The following PCDHA10 variants were observed in gnomAD, a reference collection of about 807,000 sequenced individuals.
PCDHA10 encodes the protein protocadherin alpha 10.
In PCDHA10, 45 loss-of-function variants were observed where a neutral mutation model predicts 61.2. The ratio of observed to expected loss-of-function variants is 0.74; its 90% CI spans 0.58 to 0.94. The LOEUF is 0.94. PCDHA10 is among the 40% of genes least tolerant of loss of function. The pLI is 0.00. For missense variants in PCDHA10, 1,278 were observed against 1,236.2 expected, an observed-to-expected ratio of 1.03 and a Z score of -0.51; for synonymous variants, 602 against 548.8, an observed-to-expected ratio of 1.10 and a Z score of -1.35.
intron 1 of PCDHA10, among the ~76,000 whole-genome samples, chr5:140,947,571 GT>G (rs782708059): frequency 1.8e-4 from 28 of 151,588 alleles, no homozygotes; most frequent in Non-Finnish European, 3.1e-4. Context: ...TATTGGGAAT[GT>G]TTTTAACATT....
At chr5:140,875,982 T>A (rs782696437) in intron 1 of PCDHA10, 7 of 1,614,008 alleles carry the variant, frequency 4.3e-6, no homozygotes, top group Non-Finnish European at 5.9e-6. Context: ...TTTTGACCTA[T>A]GCGTTAAGTC....
At chr5:140,865,343 A>T (rs1386264377) in intron 1 of PCDHA10, 1 of 152,216 alleles carries the variant, frequency 6.6e-6, no homozygotes, top group Non-Finnish European at 1.5e-5. Flanking sequence ...AAGAAATAGT[A>T]TATTTACATA....
Position 140,926,904 on chromosome 5 carries a change from T to G in PCDHA10, c.2389-52045T>G, listed in dbSNP as rs150445810. Reference sequence around the variant, plus strand: ...CGCCTAGAGGGAGGATGGTGGGCTGTGGGGTGGCAGTTTTATGTTTGTGGG... The same window carrying G: ...CGCCTAGAGGGAGGATGGTGGGCTGGGGGGTGGCAGTTTTATGTTTGTGGG... On this transcript the variant is annotated intron_variant, in intron 1 of 3. Transcript: ENST00000307360. 5,017 of 1,557,626 alleles carry G rather than the reference T, an allele frequency of 3.2e-3. 25 individuals carry two copies. Among genetic ancestry groups the G allele is most frequent in the African/African-American group, 0.019 (1,427 of 73,544 alleles).
chr5:140,941,548 C>CTCG (rs1175641247), intron 1 of PCDHA10, among the ~76,000 whole-genome samples: 1 of 151,868 alleles, frequency 6.6e-6, no homozygotes, highest in Non-Finnish European at 1.5e-5. Context: ...AACTCCTGAC[C>CTCG]TCGTGATCCA....
chr5:140,884,514 C>G, intron 1 of PCDHA10: 21 of 1,614,176 alleles, frequency 1.3e-5, no homozygotes, highest in South Asian at 2.2e-5. Flanking sequence ...GGGAGTTGGT[C>G]GTACTCGCAG....
intron 1 of PCDHA10, among the ~76,000 whole-genome samples, chr5:140,920,816 C>A (rs1170521844): frequency 6.6e-6 from 1 of 150,790 alleles, no homozygotes; most frequent in East Asian, 1.9e-4. Flanking sequence ...TGCACTCCAG[C>A]CTGGCGACGG....
At chr5:140,870,389 G>A (rs1262225558) in intron 1 of PCDHA10, 1 of 1,614,132 alleles carries the variant, frequency 6.2e-7, no homozygotes, top group Non-Finnish European at 8.5e-7. Context: ...GCGCGGGATG[G>A]GGGTTCGCCT....
Position 140,861,683 on chromosome 5 carries a change from C to G in PCDHA10, c.2388+3247C>G, listed in dbSNP as rs1386318519. ...GAGAGCTCTTGATTATCGTGTTTCA[C>G]TAGAGGGTGTCTGTGATGCCGACGT... On this transcript the variant is annotated intron_variant, in intron 1 of 3. Coordinates refer to ENST00000307360, the MANE Select transcript of PCDHA10 (RefSeq NM_018901.4). 2.1e-5 allele frequency: 5 copies of G among 233,410 alleles called. No homozygotes were observed. The East Asian group carries it at 3.6e-4, about 17-fold the overall frequency. 14.5% of individuals were successfully genotyped at this position (233,410 alleles called of 1,614,324 possible).
chr5:140,896,214 G>C (rs1265727629), intron 1 of PCDHA10, among the ~76,000 whole-genome samples: 4 of 152,208 alleles, frequency 2.6e-5, no homozygotes, highest in Non-Finnish European at 5.9e-5. Context: ...ACACATACAT[G>C]TGTCTTTATA....
chr5:140,942,660 A>G (rs145204660), intron 1 of PCDHA10, among the ~76,000 whole-genome samples: 2 of 152,306 alleles, frequency 1.3e-5, no homozygotes, highest in East Asian at 1.9e-4. Context: ...CAGAAAAGCA[A>G]TAAGCACAAA....
In PCDHA10 at chr5:140,875,915, T is replaced by G. The variant is rs782225928; in HGVS notation, c.2388+17479T>G. On this transcript the variant is annotated intron_variant, in intron 1 of 3. Transcript: ENST00000307360. Reference sequence around the variant, plus strand: ...GTACCTGTTTCTGAATCTGCGCCTCTGGACTCTCATTTTCCTCTAGAGGGC... The same window carrying G: ...GTACCTGTTTCTGAATCTGCGCCTCGGGACTCTCATTTTCCTCTAGAGGGC... 3.7e-6 allele frequency: 6 copies of G among 1,614,096 alleles called. No homozygotes were observed. In the African/African-American group the frequency reaches 6.7e-5, roughly 18 times the overall value.
chr5:140,874,505 T>C (rs550206385), intron 1 of PCDHA10, among the ~76,000 whole-genome samples: 1 of 152,366 alleles, frequency 6.6e-6, no homozygotes, highest in African/African-American at 2.4e-5. Context: ...GTTCACATTC[T>C]CTTGACTTTA....
intron 1 of PCDHA10, chr5:140,861,278 C>T (rs572060208): frequency 5.3e-4 from 99 of 185,718 alleles, no homozygotes; most frequent in African/African-American, 2.3e-3. Flanking sequence ...GCACTGGCTT[C>T]TGCTCCTTGA....
At chr5:140,950,006 G>A (rs2094439907) in intron 1 of PCDHA10, among the ~76,000 whole-genome samples, 1 of 151,676 alleles carries the variant, frequency 6.6e-6, no homozygotes, top group African/African-American at 2.4e-5. Context: ...ACTTAATAGT[G>A]TACAACCTTC....
chr5:140,902,996 A>G (rs2069931370), intron 1 of PCDHA10, among the ~76,000 whole-genome samples: 1 of 152,126 alleles, frequency 6.6e-6, no homozygotes, highest in Admixed American at 6.6e-5. Context: ...TATTTTTGCA[A>G]TTGTGAATTG....
At chr5:140,952,160 G>A (rs952147312) in intron 1 of PCDHA10, among the ~76,000 whole-genome samples, 1 of 152,044 alleles carries the variant, frequency 6.6e-6, no homozygotes, top group Non-Finnish European at 1.5e-5. Context: ...GGCTTTGTGG[G>A]GTTCAGTTCC....
chr5:140,883,313 G>T, intron 1 of PCDHA10: 1 of 1,614,118 alleles, frequency 6.2e-7, no homozygotes, highest in Non-Finnish European at 8.5e-7. Context: ...TAACGCCCCA[G>T]AGGTTACCAT....
At chr5:140,997,656 T>G (rs2153947694) in intron 3 of PCDHA10, among the ~76,000 whole-genome samples, 1 of 149,610 alleles carries the variant, frequency 6.7e-6, no homozygotes. Flanking sequence ...GCAATATGTA[T>G]TATTATACAG....
At chr5:140,938,427 T>G (rs992312670) in intron 1 of PCDHA10, among the ~76,000 whole-genome samples, 3 of 152,206 alleles carry the variant, frequency 2.0e-5, no homozygotes, top group African/African-American at 7.2e-5. Flanking sequence ...GCAAAAATCC[T>G]TTATCAGATT....
Sources: allele counts gnomAD v4.1 joint callset (sites outside exome capture counted in the v4.1 genomes callset), GRCh38; gene constraint gnomAD v4.1.1; transcripts MANE v1.5; gene names NCBI Gene and HGNC (gene_info 2026-07-23, HGNC 2026-07-21).